PPP2R3B: variants seen among roughly 807,000 people sequenced by gnomAD.
PPP2R3B encodes the protein protein phosphatase 2 regulatory subunit B''beta.
In PPP2R3B, 68 loss-of-function variants were observed where a neutral mutation model predicts 72.9. The observed-to-expected ratio is 0.93, with a 90% confidence interval of 0.77 to 1.14. The LOEUF (loss-of-function observed/expected upper bound fraction) is 1.14, where lower values mean the gene tolerates loss of function less well. Ranked by LOEUF, PPP2R3B falls within the 50% of genes most tolerant of loss-of-function variation. The probability of loss-of-function intolerance (pLI) is 0.00; values close to 1 mark genes in which losing one functional copy is unlikely to be tolerated. For synonymous variants in PPP2R3B, 466 were observed against 375.8 expected (o/e 1.24, Z -2.78); for missense variants, 1,018 against 842.0 (o/e 1.21, Z -2.59).
At chrX:346,369 G>A (rs762407509) in intron 5 of PPP2R3B, 109 bp from the exon 6 acceptor site, 8 of 1,066,250 alleles carry the variant, frequency 7.5e-6, no homozygotes, top group Non-Finnish European at 1.1e-5. Context: ...CAGCCGCACG[G>A]GGCCGCCAGG....
chrX:386,578 C>G lies in PPP2R3B; in HGVS notation c.114G>C (p.Arg38=). 1.4e-6 allele frequency: 2 copies of G among 1,448,468 alleles called. No homozygotes were observed. Among genetic ancestry groups the G allele is most frequent in the Non-Finnish European group, 1.8e-6 (2 of 1,100,526 alleles). 89.7% of individuals were successfully genotyped at this position (1,448,468 alleles called of 1,614,324 possible). A position where few individuals can be genotyped will look rare whatever the true frequency, so the allele number is the denominator to read the frequency against. ...TQRMLQDCLR[R]IKAPGRDQPT... The stretch of plus-strand genomic sequence containing the variant: ...GCTGGTCCCGCCCGGGCGCCTTGAT[C>G]CGGCGCAGGCAGTCCTGCAGCATCC... Residue 38 remains arginine, a synonymous_variant, in exon 1 of 13, where the codon CGG becomes CGC. Transcript: ENST00000390665.
chrX:384,982 CAAAAAA>C (rs773590401), intron 1 of PPP2R3B, among the ~76,000 whole-genome samples: 5 of 63,074 alleles, frequency 7.9e-5, no homozygotes, highest in Non-Finnish European at 1.2e-4. Context: ...GAATCTGTCT[CAAAAAA>C]AAAAAAAAAA....
chrX:348,084 T>C (rs1603059611), intron 2 of PPP2R3B, among the ~76,000 whole-genome samples: 3 of 152,268 alleles, frequency 2.0e-5, no homozygotes, highest in African/African-American at 7.2e-5. Context: ...ATGGAATGTG[T>C]GGGACGCACC....
At chrX:356,332 C>CA (rs1157080993) in intron 2 of PPP2R3B, among the ~76,000 whole-genome samples, 2 of 152,208 alleles carry the variant, frequency 1.3e-5, no homozygotes, top group African/African-American at 4.8e-5. Context: ...TTTCCTGTCT[C>CA]AGCCTCCCGA....
intron 1 of PPP2R3B, among the ~76,000 whole-genome samples, chrX:384,369 T>C (rs2072198931): frequency 6.6e-6 from 1 of 150,424 alleles, no homozygotes; most frequent in Non-Finnish European, 1.5e-5. Flanking sequence ...CAATCTCAGC[T>C]CACAGTAATC....
At chrX:351,013 G>C (rs1431000693) in intron 2 of PPP2R3B, among the ~76,000 whole-genome samples, 1 of 152,324 alleles carries the variant, frequency 6.6e-6, no homozygotes, top group Admixed American at 6.5e-5. Context: ...AGTGACCACG[G>C]GGGGGCGTGG....
At chrX:348,462 G>C (rs1952792564) in intron 2 of PPP2R3B, among the ~76,000 whole-genome samples, 1 of 151,894 alleles carries the variant, frequency 6.6e-6, no homozygotes, top group African/African-American at 2.4e-5. Context: ...TGTAATCCCA[G>C]CTACTCGGGA....
intron 2 of PPP2R3B, 150 bp downstream of exon 2, chrX:361,255 C>G: frequency 1.2e-6 from 1 of 817,100 alleles, no homozygotes; most frequent in East Asian, 2.7e-5. Context: ...AAAACCTGGG[C>G]CGCTCCCGCA....
At chrX:375,780 C>T (rs769791454) in intron 1 of PPP2R3B, among the ~76,000 whole-genome samples, 73 of 152,394 alleles carry the variant, frequency 4.8e-4, no homozygotes, top group Non-Finnish European at 1.0e-3. Flanking sequence ...GGGCGCGATC[C>T]TCACACTCAG....
rs2071049941 is a variant in PPP2R3B at position 340,909 on chromosome X, C to T, written c.1207G>A (p.Asp403Asn). 1 of 1,611,762 alleles carries T rather than the reference C, an allele frequency of 6.2e-7. No individual in the cohort carries two copies. The highest frequency in any genetic ancestry group is 8.5e-7 in the Non-Finnish European group (1 of 1,179,652). ...IEYWFRCMDL[D>N]GDGALSMFEL... ...AACATGGACAGGGCGCCGTCCCCGT[C>T]CAGGTCCATGCAGCGGAACCAGTAC... The change falls in exon 10 of 13, where the codon GAC (aspartate) becomes AAC (asparagine). Residue 403 changes from aspartate to asparagine, a missense_variant. Asp to Asn is a conservative substitution (Grantham distance 23). Transcript: ENST00000390665.
At chrX:355,737 T>A (rs2071421935) in intron 2 of PPP2R3B, among the ~76,000 whole-genome samples, 2 of 152,232 alleles carry the variant, frequency 1.3e-5, no homozygotes, top group Non-Finnish European at 2.9e-5. Flanking sequence ...TGCTGTCTGA[T>A]TCTGTTTACA....
intron 1 of PPP2R3B, among the ~76,000 whole-genome samples, chrX:379,872 A>C (rs1399323674): frequency 6.6e-6 from 1 of 152,222 alleles, no homozygotes; most frequent in Non-Finnish European, 1.5e-5. Flanking sequence ...ATCTGCTTTC[A>C]AAATTTGCTA....
chrX:351,683 T>A (rs1427211206), intron 2 of PPP2R3B, among the ~76,000 whole-genome samples: 1 of 134,862 alleles, frequency 7.4e-6, no homozygotes, highest in African/African-American at 2.8e-5. Context: ...CAGTGTGTGA[T>A]CACAGCGTGA....
intron 5 of PPP2R3B, 191 bp from the exon 6 acceptor site, chrX:346,451 G>T: frequency 1.6e-6 from 1 of 641,996 alleles, no homozygotes; most frequent in Non-Finnish European, 2.6e-6. Flanking sequence ...GGGAGGGTCT[G>T]GCCGGGGACG....
intron 1 of PPP2R3B, among the ~76,000 whole-genome samples, chrX:383,565 C>T (rs968159476): frequency 1.5e-4 from 23 of 152,068 alleles, no homozygotes; most frequent in Non-Finnish European, 2.2e-4. Context: ...TCGGCGGGCA[C>T]GGTGGCTCAC....
intron 1 of PPP2R3B, 92 bp downstream of exon 1, chrX:386,276 C>G: frequency 9.1e-7 from 1 of 1,100,566 alleles, no homozygotes; most frequent in Non-Finnish European, 1.2e-6. Flanking sequence ...TGGGGTCTGA[C>G]GCTCGCCCAC....
chrX:372,096 C>T (rs2071878703), intron 1 of PPP2R3B, among the ~76,000 whole-genome samples: 1 of 152,162 alleles, frequency 6.6e-6, no homozygotes. Context: ...AGCTAATCAC[C>T]TCATTGACTC....
intron 1 of PPP2R3B, among the ~76,000 whole-genome samples, chrX:377,738 G>C (rs1200813084): frequency 7.3e-6 from 1 of 137,748 alleles, no homozygotes; most frequent in Non-Finnish European, 1.6e-5. Context: ...ACACCCAGTG[G>C]GGCCACCATG....
chrX:350,949 C>T (rs2124043264), intron 2 of PPP2R3B, among the ~76,000 whole-genome samples: 1 of 152,258 alleles, frequency 6.6e-6, no homozygotes, highest in East Asian at 1.9e-4. Flanking sequence ...GACGCCAGAG[C>T]AGGGACTGGA....
Sources: allele counts gnomAD v4.1 joint callset (sites outside exome capture counted in the v4.1 genomes callset), GRCh38; gene constraint gnomAD v4.1.1; transcripts MANE v1.5; gene names NCBI Gene and HGNC (gene_info 2026-07-23, HGNC 2026-07-21).